LRRTM4: variants seen among roughly 807,000 people sequenced by gnomAD.
LRRTM4 encodes leucine-rich repeat transmembrane neuronal protein 4.
A neutral mutation model predicts 47.6 loss-of-function variants in LRRTM4; 25 were observed. The ratio of observed to expected loss-of-function variants is 0.53; its 90% CI spans 0.38 to 0.73. The LOEUF is 0.73. Ranked by LOEUF, LRRTM4 falls within the 30% of genes least tolerant of loss-of-function variation. The probability of loss-of-function intolerance (pLI) is 0.00; values close to 1 mark genes in which losing one functional copy is unlikely to be tolerated. For missense variants in LRRTM4, 638 were observed against 713.4 expected (o/e 0.89, Z 1.20); for synonymous variants, 311 against 269.5 (o/e 1.15, Z -1.51).
chr2:77,162,053 G>A (rs554337912), intron 3 of LRRTM4, among the ~76,000 whole-genome samples: 3 of 152,198 alleles, frequency 2.0e-5, no homozygotes, highest in Admixed American at 6.5e-5. Context: ...CCCACAGAGC[G>A]GGAATTCCCT....
chr2:76,943,565 T>C (rs569818586), intron 3 of LRRTM4, among the ~76,000 whole-genome samples: 39 of 152,334 alleles, frequency 2.6e-4, no homozygotes, highest in African/African-American at 7.7e-4. Flanking sequence ...TTATGCTGTA[T>C]ATGGTCTCAT....
chr2:76,998,977 C>T (rs1008507765), intron 3 of LRRTM4, among the ~76,000 whole-genome samples: 1 of 145,934 alleles, frequency 6.9e-6, no homozygotes. Flanking sequence ...ACATGTGTTT[C>T]TTTCTATTTC....
chr2:77,002,553 C>T (rs1188408351), intron 3 of LRRTM4, among the ~76,000 whole-genome samples: 1 of 152,214 alleles, frequency 6.6e-6, no homozygotes, highest in Admixed American at 6.5e-5. Flanking sequence ...TCCTTATTAG[C>T]CTCAAACAAT....
chr2:77,090,596 C>T (rs1670582613), intron 3 of LRRTM4, among the ~76,000 whole-genome samples: 1 of 152,158 alleles, frequency 6.6e-6, no homozygotes, highest in South Asian at 2.1e-4. Context: ...CTTCCAAACG[C>T]CTGAACCGCA....
In LRRTM4 at chr2:77,005,140, T is replaced by TTTTTG. The variant is rs956350568; in HGVS notation, c.1552-256229_1552-256225dup. Among the ~76,000 whole-genome samples the TTTTTG allele has an allele frequency of 3.3e-5, 5 of 151,986 alleles. No individual in the cohort carries two copies. In the East Asian group the frequency reaches 7.8e-4, roughly 24 times the overall value. On this transcript the variant is annotated intron_variant, in intron 3 of 3. Transcript: ENST00000409884. ...GGGGGACTGTTGGAAGGCATGATTG[T>TTTTTG]TTTTGTTTTGTTTTGTTTCTTTGAG...
intron 3 of LRRTM4, among the ~76,000 whole-genome samples, chr2:77,100,918 C>A (rs2103910436): frequency 6.7e-6 from 1 of 149,856 alleles, no homozygotes; most frequent in South Asian, 2.1e-4. Flanking sequence ...TCACTGCAAC[C>A]TCTGCTTCCC....
chr2:77,055,654 T>C (rs938055544), intron 3 of LRRTM4, among the ~76,000 whole-genome samples: 5 of 152,106 alleles, frequency 3.3e-5, no homozygotes, highest in Admixed American at 2.6e-4. Flanking sequence ...GATCTAGAAC[T>C]GGAAATACCA....
At chr2:76,973,939 A>AAAGGAT (rs1355425629) in intron 3 of LRRTM4, among the ~76,000 whole-genome samples, 1 of 151,674 alleles carries the variant, frequency 6.6e-6, no homozygotes, top group Non-Finnish European at 1.5e-5. Flanking sequence ...AATGAAACAT[A>AAAGGAT]CATTCAGAAA....
At chr2:77,443,278 T>C (rs1675918682) in intron 3 of LRRTM4, among the ~76,000 whole-genome samples, 1 of 152,146 alleles carries the variant, frequency 6.6e-6, no homozygotes, top group Non-Finnish European at 1.5e-5. Flanking sequence ...TTATAAATGA[T>C]GACTTGCAGC....
In LRRTM4 at chr2:77,377,887, T is replaced by C. The variant is rs962426839; in HGVS notation, c.1551+140431A>G. On this transcript the variant is annotated intron_variant, in intron 3 of 3. Coordinates refer to ENST00000409884, the MANE Select transcript of LRRTM4 (RefSeq NM_001134745.3). ...GAAAATGCAAACACATTATTTTGTC[T>C]TTTCACACTGAATTTCTTAAAAAAA... is the stretch of plus-strand genomic sequence containing the variant. Among the ~76,000 whole-genome samples the C allele has an allele frequency of 2.0e-5, 3 of 152,122 alleles. No homozygotes were observed. The South Asian group carries it at 6.2e-4, about 31-fold the overall frequency.
intron 3 of LRRTM4, among the ~76,000 whole-genome samples, chr2:76,794,111 C>T (rs1023160763): frequency 9.2e-5 from 14 of 152,146 alleles, no homozygotes; most frequent in Admixed American, 5.9e-4. Flanking sequence ...CCACATGGAG[C>T]GAAGATTTGA....
intron 3 of LRRTM4, among the ~76,000 whole-genome samples, chr2:76,777,357 C>G (rs1294637739): frequency 1.2e-4 from 17 of 141,706 alleles, no homozygotes; most frequent in African/African-American, 3.4e-4. Flanking sequence ...GGCAGTATGG[C>G]CATTTTCACG....
Position 77,482,453 on chromosome 2 carries a change from C to CACACACACAT in LRRTM4, c.1551+35864_1551+35865insATGTGTGTGT, listed in dbSNP as rs70956635. On this transcript the variant is annotated intron_variant, in intron 3 of 3. Coordinates refer to ENST00000409884, the MANE Select transcript of LRRTM4 (RefSeq NM_001134745.3). ...GAAATATTTTTTAAACACACACACA[C>CACACACACAT]ACACACAGAGACCTGTGATTAATTT... Among the ~76,000 whole-genome samples, 79 of 151,722 alleles carry CACACACACAT rather than the reference C, an allele frequency of 5.2e-4. 1 individual carries two copies. Among genetic ancestry groups the CACACACACAT allele is most frequent in the Non-Finnish European group, 3.7e-4 (25 of 67,840 alleles).
intron 3 of LRRTM4, among the ~76,000 whole-genome samples, chr2:77,315,028 G>T (rs1345860876): frequency 1.3e-5 from 2 of 152,152 alleles, no homozygotes; most frequent in African/African-American, 4.8e-5. Context: ...AGGCTCAGTA[G>T]GTTAGGTGTA....
intron 3 of LRRTM4, among the ~76,000 whole-genome samples, chr2:77,069,471 G>T (rs1328450324): frequency 6.6e-6 from 1 of 151,404 alleles, no homozygotes; most frequent in Non-Finnish European, 1.5e-5. Context: ...AGAAGGATTT[G>T]TGGCAATTCT....
chr2:77,024,292 A>T (rs952137168), intron 3 of LRRTM4, among the ~76,000 whole-genome samples: 1 of 152,092 alleles, frequency 6.6e-6, no homozygotes, highest in African/African-American at 2.4e-5. Flanking sequence ...TTGTTTCTAT[A>T]AGTTTGACTT....
In LRRTM4 at chr2:77,390,432, AAACAC is replaced by A. The variant is rs1229363050; in HGVS notation, c.1551+127881_1551+127885del. On this transcript the variant is annotated intron_variant, in intron 3 of 3. Transcript: ENST00000409884. ...TTGTATTTTGTTACCAAAAGTACTG[AAACAC>A]TCATGCAACTTTCATACAAATTGCA... 2.8e-4 allele frequency among the ~76,000 whole-genome samples: 42 copies of A among 152,206 alleles called. No homozygotes were observed. In the East Asian group the frequency reaches 7.9e-3, roughly 29 times the overall value.
intron 3 of LRRTM4, among the ~76,000 whole-genome samples, chr2:77,263,398 G>A (rs979034192): frequency 6.6e-6 from 1 of 152,124 alleles, no homozygotes; most frequent in Non-Finnish European, 1.5e-5. Flanking sequence ...ACCTCTGATT[G>A]GTAACCAAGT....
At chr2:77,508,236 T>C (rs985494365) in intron 3 of LRRTM4, among the ~76,000 whole-genome samples, 10 of 152,110 alleles carry the variant, frequency 6.6e-5, no homozygotes, top group African/African-American at 1.9e-4. Context: ...TGACTGTGTA[T>C]TGGGGAATGT....
Sources: gnomAD v4.1 joint callset for allele counts (sites outside exome capture counted in the v4.1 genomes callset) on GRCh38, gnomAD v4.1.1 for gene constraint, MANE v1.5 for transcripts, NCBI Gene and HGNC (gene_info 2026-07-23, HGNC 2026-07-21) for gene names.